Variants in DYNLRB1 observed in about 807,000 individuals in gnomAD.
DYNLRB1 encodes dynein light chain roadblock-type 1.
In DYNLRB1, 6 loss-of-function variants were observed where a neutral mutation model predicts 13.5. That is an observed-to-expected ratio of 0.44 (90% CI 0.24 to 0.88). DYNLRB1 has a LOEUF of 0.88. DYNLRB1 is among the 40% of genes least tolerant of loss of function. The probability of loss-of-function intolerance (pLI) is 0.21; values close to 1 mark genes in which losing one functional copy is unlikely to be tolerated. For synonymous variants in DYNLRB1, 43 were observed against 45.0 expected, an observed-to-expected ratio of 0.96 and a Z score of 0.18; for missense variants, 93 against 127.2, an observed-to-expected ratio of 0.73 and a Z score of 1.29.
chr20:34,540,770 CT>C lies in DYNLRB1; in HGVS notation c.*147del, dbSNP rs1981521128. 1.3e-6 allele frequency: 1 copy of C among 779,992 alleles called. No homozygotes were observed. Among genetic ancestry groups the C allele is most frequent in the African/African-American group, 1.8e-5 (1 of 56,198 alleles). The allele number at this position is 779,992 out of a possible 1,614,324, so 48.3% of individuals were successfully genotyped here. A position where few individuals can be genotyped will look rare whatever the true frequency, so the allele number is the denominator to read the frequency against. The stretch of plus-strand genomic sequence containing the variant: ...GACCGTGTGTGGGCTGGCGGCTCTT[CT>C]CCCCCACCAACGGAACCCCTGTGTG... On this transcript the variant is annotated 3_prime_UTR_variant, in exon 4 of 4. Transcript: ENST00000357156.
intron 3 of DYNLRB1, chr20:34,535,793 G>C: frequency 1.0e-6 from 1 of 985,316 alleles, no homozygotes; most frequent in Non-Finnish European, 1.2e-6. Context: ...TAACTCAGTT[G>C]CATGGACTTG....
intron 1 of DYNLRB1, among the ~76,000 whole-genome samples, chr20:34,521,454 T>A (rs951826466): frequency 2.0e-5 from 3 of 152,204 alleles, no homozygotes; most frequent in Non-Finnish European, 4.4e-5. Flanking sequence ...GTTTTTTTTT[T>A]ATTTATTTTG....
chr20:34,534,500 G>C (rs1199638808), intron 2 of DYNLRB1, 128 bp from the exon 3 acceptor site: 42 of 1,198,114 alleles, frequency 3.5e-5, no homozygotes, highest in Non-Finnish European at 4.8e-5. Flanking sequence ...CTGTCACATA[G>C]CAAGCCCTCT....
intron 1 of DYNLRB1, among the ~76,000 whole-genome samples, chr20:34,520,788 T>C (rs1018062575): frequency 6.6e-6 from 1 of 152,212 alleles, no homozygotes; most frequent in Non-Finnish European, 1.5e-5. Context: ...GCTGTGATGA[T>C]GCTTCTGTGA....
intron 1 of DYNLRB1, chr20:34,516,893 G>A: frequency 1.4e-6 from 2 of 1,478,944 alleles, no homozygotes; most frequent in Non-Finnish European, 1.8e-6. Context: ...ACAATCTTTA[G>A]TCCCATTTTG....
chr20:34,526,171 G>A (rs1980189497), intron 1 of DYNLRB1, 97 bp from the exon 2 acceptor site: 1 of 1,357,380 alleles, frequency 7.4e-7, no homozygotes, highest in Non-Finnish European at 1.0e-6. Flanking sequence ...TTACTTGTTT[G>A]TTGTTGGAAG....
At chr20:34,530,325 G>A (rs1980614258) in intron 2 of DYNLRB1, 1 of 986,404 alleles carries the variant, frequency 1.0e-6, no homozygotes, top group East Asian at 1.0e-4. Flanking sequence ...CTTTGAATCT[G>A]GGCCCTACTT....
At chr20:34,535,533 C>T in intron 3 of DYNLRB1, 1 of 778,102 alleles carries the variant, frequency 1.3e-6, no homozygotes. Flanking sequence ...AGCCACATCT[C>T]CTGCCCGGCT....
chr20:34,528,154 T>TA lies in DYNLRB1; in HGVS notation c.79+1812dup, dbSNP rs1405650308. On this transcript the variant is annotated intron_variant, in intron 2 of 3. Coordinates refer to ENST00000357156, the MANE Select transcript of DYNLRB1 (RefSeq NM_014183.4). ...GGTGAAACCCCGTCTCTACTAAAAA[T>TA]ACAAAAAATTAGCCGGGCGTAGTGG... Among the ~76,000 whole-genome samples, 8 of 90,114 alleles carry TA rather than the reference T, an allele frequency of 8.9e-5. 3 individuals carry two copies. The highest frequency in any genetic ancestry group is 1.8e-4 in the African/African-American group (4 of 22,644). The allele number at this position is 90,114 out of a possible 152,430, so 59.1% of individuals were successfully genotyped here.
At position 34,522,762 on chromosome 20, in the gene DYNLRB1, CT is replaced by C. The variant is rs1015813221; in HGVS notation, c.4-3505del. Among the ~76,000 whole-genome samples the C allele has an allele frequency of 2.0e-4, 31 of 152,190 alleles. 1 individual carries two copies. The highest frequency in any genetic ancestry group is 1.9e-3 in the Admixed American group (29 of 15,278). Reference sequence around the variant, plus strand: ...GTGCTGGGATTACAGGCATGAGCCACTGTGCCCAGCCCATGTTTACTTTTAA... The same window carrying C: ...GTGCTGGGATTACAGGCATGAGCCACGTGCCCAGCCCATGTTTACTTTTAA... On this transcript the variant is annotated intron_variant, in intron 1 of 3. Coordinates refer to ENST00000357156, the MANE Select transcript of DYNLRB1 (RefSeq NM_014183.4).
At chr20:34,525,011 CG>C (rs1203656611) in intron 1 of DYNLRB1, among the ~76,000 whole-genome samples, 3 of 152,200 alleles carry the variant, frequency 2.0e-5, no homozygotes, top group African/African-American at 7.2e-5. Flanking sequence ...AGGCATGAGC[CG>C]CCGCACCGGC....
chr20:34,526,417 T>C, intron 2 of DYNLRB1, 74 bp downstream of exon 2: 2 of 1,470,738 alleles, frequency 1.4e-6, no homozygotes, highest in Non-Finnish European at 9.5e-7. Context: ...TAGCACTTGC[T>C]GTTCACTAAG....
chr20:34,540,827 C>G lies in DYNLRB1; in HGVS notation c.*203C>G. Reference sequence around the variant, plus strand: ...ACCTTCCCCAGAGCTCCGGAGCGCCCTCTCCTCACTTCCAGGTTTTGGAGC... The same window carrying G: ...ACCTTCCCCAGAGCTCCGGAGCGCCGTCTCCTCACTTCCAGGTTTTGGAGC... On this transcript the variant is annotated 3_prime_UTR_variant, in exon 4 of 4. Transcript: ENST00000357156. The G allele has an allele frequency of 5.8e-6, 3 of 515,552 alleles. No individual in the cohort carries two copies. The highest frequency in any genetic ancestry group is 3.4e-5 in the East Asian group (1 of 29,834). 31.9% of individuals were successfully genotyped at this position (515,552 alleles called of 1,614,324 possible). A position where few individuals can be genotyped will look rare whatever the true frequency, so the allele number is the denominator to read the frequency against.
In DYNLRB1 at chr20:34,516,454, C is replaced by G. The variant is rs1400708694; in HGVS notation, c.-5C>G. ...CGCTACGCGGGGCTACCGGATCGGT[C>G]GGAAATGGTGAGCGTGCGCCGGGGT... On this transcript the variant is annotated 5_prime_UTR_variant, in exon 1 of 4. Coordinates refer to ENST00000357156, the MANE Select transcript of DYNLRB1 (RefSeq NM_014183.4). 1 of 1,613,314 alleles carries G rather than the reference C, an allele frequency of 6.2e-7. No individual in the cohort carries two copies.
chr20:34,516,671 T>G, intron 1 of DYNLRB1: 1 of 1,476,990 alleles, frequency 6.8e-7, no homozygotes, highest in South Asian at 1.3e-5. Flanking sequence ...CGGATCCCGC[T>G]GCCCCTTGAC....
At chr20:34,538,083 G>A (rs1981305197) in intron 3 of DYNLRB1, among the ~76,000 whole-genome samples, 2 of 124,804 alleles carry the variant, frequency 1.6e-5, no homozygotes, top group Non-Finnish European at 3.2e-5. Flanking sequence ...AGCCTCCCTA[G>A]TATACTGCTG....
In DYNLRB1 at chr20:34,528,838, G is replaced by T. The variant is rs1489753732; in HGVS notation, c.79+2495G>T. On this transcript the variant is annotated intron_variant, in intron 2 of 3. Coordinates refer to ENST00000357156, the MANE Select transcript of DYNLRB1 (RefSeq NM_014183.4). ...AAAAAAGAAAAATTAGGCAGGTGTG[G>T]TGGCACACGCCTGTAGTCTTAGCTA... Among the ~76,000 whole-genome samples the T allele has an allele frequency of 1.8e-4, 28 of 152,120 alleles. 1 individual carries two copies. Among genetic ancestry groups the T allele is most frequent in the Admixed American group, 1.8e-3 (28 of 15,276 alleles).
chr20:34,516,583 G>A, intron 1 of DYNLRB1, 122 bp downstream of exon 1: 2 of 1,541,976 alleles, frequency 1.3e-6, no homozygotes, highest in Non-Finnish European at 1.7e-6. Flanking sequence ...GCTGGGCGTG[G>A]CCGGGCCCGG....
intron 2 of DYNLRB1, chr20:34,529,924 G>C (rs997930361): frequency 1.4e-6 from 2 of 1,473,410 alleles, no homozygotes; most frequent in Non-Finnish European, 1.8e-6. Flanking sequence ...TGATCAGTTG[G>C]GTGGCCTGAG....
Sources: allele counts gnomAD v4.1 joint callset (sites outside exome capture counted in the v4.1 genomes callset), GRCh38; gene constraint gnomAD v4.1.1; transcripts MANE v1.5; gene names NCBI Gene and HGNC (gene_info 2026-07-23, HGNC 2026-07-21).